DST: variants seen among roughly 807,000 people sequenced by gnomAD.
DST encodes dystonin, also known as bullous pemphigoid antigen.
Under a neutral mutation model 875.2 loss-of-function variants are expected in DST, and 253 were observed. The observed-to-expected ratio is 0.29, with a 90% confidence interval of 0.26 to 0.32. The LOEUF is 0.32. Among genes scored for constraint, DST ranks in the 10% least tolerant of loss-of-function variants. The pLI is 1.00. For synonymous variants in DST, 3,124 were observed against 3,197.1 expected, an observed-to-expected ratio of 0.98 and a Z score of 0.77; for missense variants, 8,287 against 9,111.6, an observed-to-expected ratio of 0.91 and a Z score of 3.68.
intron 2 of DST, among the ~76,000 whole-genome samples, chr6:56,907,280 T>C (rs1005404579): frequency 1.3e-5 from 2 of 152,242 alleles, no homozygotes; most frequent in Non-Finnish European, 2.9e-5. Flanking sequence ...AGTCAGGTCC[T>C]GTTACCTACA....
In DST at chr6:56,529,638, T is replaced by A. The variant is rs1375278774; in HGVS notation, c.17405A>T (p.Tyr5802Phe). 6.2e-7 allele frequency: 1 copy of A among 1,613,786 alleles called. No homozygotes were observed. Among genetic ancestry groups the A allele is most frequent in the Non-Finnish European group, 8.5e-7 (1 of 1,179,748 alleles). The change falls in exon 66 of 104, where the codon TAC becomes TTC. Residue 5802 changes from tyrosine (Y) to phenylalanine (F), a missense_variant. By Grantham distance (22) the Tyr-to-Phe change is conservative (BLOSUM62 3). Around this residue, in one of 10 missense-constraint regions of DST, gnomAD observed 777 missense variants for 764.8 expected, o/e 1.02. Coordinates refer to ENST00000680361, the MANE Select transcript of DST (RefSeq NM_001374736.1). ...GTGACTTTTCTCTTGAATCTCAATGTACCATACTTGAGAGAAGTCTAATTT... is the reference window on the plus strand; with the variant it reads ...GTGACTTTTCTCTTGAATCTCAATGAACCATACTTGAGAGAAGTCTAATTT... ...QSKLDFSQVW[Y>F]IEIQEKSHSR...
At chr6:56,485,275 C>T (rs777911764) in intron 88 of DST, 37 bp downstream of exon 88, 2 of 1,610,430 alleles carry the variant, frequency 1.2e-6, no homozygotes, top group South Asian at 2.2e-5. Flanking sequence ...TCAGAATAAT[C>T]AAACAAGATA....
chr6:56,601,461 T>G lies in DST; in HGVS notation c.11523A>C (p.Gln3841His), dbSNP rs762966929. The part of the protein sequence containing the change: ...ERLETQLHLE[Q>H]DLDDQKIVAE... ...GGCAAACCTTCTGATCATCAAGATC[T>G]TGTTCTAGATGTAACTGAGTCTCTA... The change falls in exon 44 of 104, where the codon CAA becomes CAC. Residue 3841 changes from glutamine to histidine, a missense_variant. By Grantham distance (24) the Gln-to-His change is conservative (BLOSUM62 0). Transcript: ENST00000680361. 3 of 1,594,974 alleles carry G rather than the reference T, an allele frequency of 1.9e-6. No individual in the cohort carries two copies. The South Asian group carries it at 3.4e-5, about 18-fold the overall frequency.
intron 36 of DST, chr6:56,615,779 C>A: frequency 6.2e-7 from 1 of 1,614,174 alleles, no homozygotes; most frequent in Non-Finnish European, 8.5e-7. Flanking sequence ...TATCAACCCT[C>A]CTGTCAAGTA....
intron 3 of DST, among the ~76,000 whole-genome samples, chr6:56,869,918 T>C (rs1234806523): frequency 6.6e-6 from 1 of 152,038 alleles, no homozygotes; most frequent in Non-Finnish European, 1.5e-5. Flanking sequence ...ACTCCTGAGC[T>C]CAAGCAATCC....
intron 55 of DST, among the ~76,000 whole-genome samples, chr6:56,565,997 AG>A (rs1345782651): frequency 6.6e-6 from 1 of 152,142 alleles, no homozygotes; most frequent in East Asian, 1.9e-4. Flanking sequence ...TTACACTGTG[AG>A]GGGAAAACCA....
rs1191953379 is a variant in DST, at chr6:56,606,117, G to C, written c.8511C>G (p.Ile2837Met). 1 of 1,612,622 alleles carries C rather than the reference G, an allele frequency of 6.2e-7. No homozygotes were observed. Among genetic ancestry groups the C allele is most frequent in the Non-Finnish European group, 8.5e-7 (1 of 1,179,248 alleles). ...CATTTAAAATAGAGGCACACAACTG[G>C]ATATCCATATCTTCAGCCACATTTT... Reference protein sequence around the residue: ...RCQNVAEDMDIQLCASILNEN... With the variant: ...RCQNVAEDMDMQLCASILNEN... The change falls in exon 40 of 104, where the codon ATC becomes ATG. Residue 2837 changes from isoleucine (I) to methionine (M), a missense_variant. By Grantham distance (10) the Ile-to-Met change is conservative. This residue lies in a region of DST where 3,138 missense variants were observed against 3,116.6 expected (regional missense o/e 1.01). Transcript: ENST00000680361.
chr6:56,854,687 C>T (rs1403774753), intron 3 of DST, among the ~76,000 whole-genome samples: 1 of 152,058 alleles, frequency 6.6e-6, no homozygotes, highest in African/African-American at 2.4e-5. Flanking sequence ...CCAATACAAG[C>T]ACATAAAAAG....
At chr6:56,830,310 T>C in intron 4 of DST, among the ~76,000 whole-genome samples, 1 of 152,294 alleles carries the variant, frequency 6.6e-6, no homozygotes, top group Admixed American at 6.5e-5. Context: ...GATATGGAAC[T>C]GTACACGCAG....
At chr6:56,699,244 C>T (rs1333017422) in intron 9 of DST, among the ~76,000 whole-genome samples, 5 of 152,142 alleles carry the variant, frequency 3.3e-5, no homozygotes, top group Non-Finnish European at 7.4e-5. Context: ...ATTATGCTGC[C>T]ATCTAGTGTC....
Position 56,651,187 on chromosome 6 carries a change from C to T in DST, c.1272G>A (p.Glu424=), listed in dbSNP as rs1442999510. 1.2e-6 allele frequency: 2 copies of T among 1,612,496 alleles called. No homozygotes were observed. Among genetic ancestry groups the T allele is most frequent in the South Asian group, 2.2e-5 (2 of 90,680 alleles). Residue 424 remains glutamate (E), a synonymous_variant, in exon 11 of 104, where the codon GAG becomes GAA. Transcript: ENST00000680361. ...VAVQSNLANL[E]HAFYVAEKIG... Reference sequence around the variant, plus strand: ...TTTTTTCTGCTACGTAAAAAGCATGCTCTAAATTTGCAAGGTTGCTTTGAA... The same window carrying T: ...TTTTTTCTGCTACGTAAAAAGCATGTTCTAAATTTGCAAGGTTGCTTTGAA...
chr6:56,920,722 T>C (rs907259968), intron 2 of DST, among the ~76,000 whole-genome samples: 51 of 148,170 alleles, frequency 3.4e-4, no homozygotes, highest in Admixed American at 8.1e-4. Flanking sequence ...TTTCTTTCTT[T>C]CTTCCTTTTT....
chr6:56,880,549 G>A (rs559990222), intron 3 of DST, among the ~76,000 whole-genome samples: 5 of 151,954 alleles, frequency 3.3e-5, no homozygotes, highest in South Asian at 2.1e-4. Flanking sequence ...TTAGCCGGGC[G>A]TGGTACACAC....
At chr6:56,833,353 C>T (rs2099789704) in intron 4 of DST, among the ~76,000 whole-genome samples, 1 of 152,158 alleles carries the variant, frequency 6.6e-6, no homozygotes, top group African/African-American at 2.4e-5. Context: ...GCACTACATC[C>T]AGGCCATAAT....
intron 4 of DST, among the ~76,000 whole-genome samples, chr6:56,763,828 T>C (rs1335191217): frequency 6.6e-6 from 1 of 151,704 alleles, no homozygotes; most frequent in Non-Finnish European, 1.5e-5. Flanking sequence ...GGAACTCTAG[T>C]CCTACATCAC....
At chr6:56,695,847 T>C (rs1269520524) in intron 9 of DST, among the ~76,000 whole-genome samples, 1 of 152,256 alleles carries the variant, frequency 6.6e-6, no homozygotes, top group Non-Finnish European at 1.5e-5. Context: ...TTGAAATTGC[T>C]TCCATTATTT....
rs2097336854 is a variant in DST at position 56,552,169 on chromosome 6, T to C, written c.16608+15A>G. ...TGACAATAAAAACACTGGGTAAAAATGAAGAGTTCCCTACCTTGAACATGT... is the reference window on the plus strand; with the variant it reads ...TGACAATAAAAACACTGGGTAAAAACGAAGAGTTCCCTACCTTGAACATGT... On this transcript the variant is annotated intron_variant, in intron 61 of 103. Transcript: ENST00000680361. 4 of 1,561,670 alleles carry C rather than the reference T, an allele frequency of 2.6e-6. No homozygotes were observed. The highest frequency in any genetic ancestry group is 2.3e-5 in the East Asian group (1 of 44,364).
chr6:56,825,788 C>T (rs1018569909), intron 4 of DST, among the ~76,000 whole-genome samples: 1 of 152,200 alleles, frequency 6.6e-6, no homozygotes, highest in Admixed American at 6.5e-5. Context: ...GTACAGAACA[C>T]ACTGGGCTCA....
At chr6:56,566,572 T>C (rs2097682948) in intron 55 of DST, among the ~76,000 whole-genome samples, 3 of 152,160 alleles carry the variant, frequency 2.0e-5, no homozygotes, top group Admixed American at 2.0e-4. Context: ...GTACCTCAGT[T>C]GGAAATGCAG....
Sources: gnomAD v4.1 joint callset for allele counts (sites outside exome capture counted in the v4.1 genomes callset) on GRCh38, gnomAD v4.1.1 for gene constraint, gnomAD v4.1.1 regional missense constraint, MANE v1.5 for transcripts, NCBI Gene and HGNC (gene_info 2026-07-23, HGNC 2026-07-21) for gene names.